The following ARHGAP28 variants were observed in gnomAD, a reference collection of about 807,000 sequenced individuals.
The protein encoded by ARHGAP28 is rho GTPase-activating protein 28.
ARHGAP28 carries 56 observed loss-of-function variants against 90.7 expected under a neutral mutation model. That is an observed-to-expected ratio of 0.62 (90% confidence interval 0.50 to 0.77). The LOEUF (loss-of-function observed/expected upper bound fraction) is 0.77. Among genes scored for constraint, ARHGAP28 ranks in the 30% least tolerant of loss-of-function variants. ARHGAP28 has a pLI of 0.00. For missense variants in ARHGAP28, 869 were observed against 900.9 expected, an observed-to-expected ratio of 0.96 and a Z score of 0.45; for synonymous variants, 308 against 323.3, an observed-to-expected ratio of 0.95 and a Z score of 0.51.
At chr18:6,786,116 C>T (rs1463314117) in intron 1 of ARHGAP28, among the ~76,000 whole-genome samples, 6 of 152,130 alleles carry the variant, frequency 3.9e-5, no homozygotes, top group African/African-American at 9.7e-5. Flanking sequence ...GGAGAAGAAA[C>T]GTCAGTTGAA....
chr18:6,855,971 G>A (rs1454611600), intron 4 of ARHGAP28, among the ~76,000 whole-genome samples: 1 of 152,362 alleles, frequency 6.6e-6, no homozygotes, highest in Middle Eastern at 3.4e-3. Flanking sequence ...CACCTAGCTT[G>A]CCCTTGGCAG....
chr18:6,848,968 G>A (rs758553109), intron 3 of ARHGAP28, among the ~76,000 whole-genome samples: 1 of 151,792 alleles, frequency 6.6e-6, no homozygotes, highest in African/African-American at 2.4e-5. Flanking sequence ...GGCTGATCAG[G>A]GCCAGGTGTG....
chr18:6,909,120 C>A (rs1403317844), intron 17 of ARHGAP28, 96 bp downstream of exon 17: 7 of 744,402 alleles, frequency 9.4e-6, no homozygotes, highest in South Asian at 1.9e-5. Context: ...ATGAATTTCT[C>A]AGATAAAAAC....
chr18:6,786,643 G>A (rs1002675514), intron 1 of ARHGAP28, among the ~76,000 whole-genome samples: 2 of 152,252 alleles, frequency 1.3e-5, no homozygotes, highest in African/African-American at 4.8e-5. Context: ...ATCCCTGAAA[G>A]AATGATATAA....
chr18:6,801,902 A>T (rs1046597934), intron 1 of ARHGAP28, among the ~76,000 whole-genome samples: 3 of 152,040 alleles, frequency 2.0e-5, no homozygotes, highest in Admixed American at 2.0e-4. Context: ...CCATTAATTA[A>T]CCTCTCTTCA....
intron 9 of ARHGAP28, chr18:6,874,538 T>G (rs1401299801): frequency 1.3e-5 from 2 of 152,218 alleles, no homozygotes; most frequent in Non-Finnish European, 1.5e-5. Flanking sequence ...AAATTCCTAG[T>G]CCTTAACACA....
At chr18:6,838,363 G>A (rs1052614845) in intron 3 of ARHGAP28, among the ~76,000 whole-genome samples, 8 of 152,172 alleles carry the variant, frequency 5.3e-5, no homozygotes, top group Admixed American at 2.6e-4. Flanking sequence ...TAGAAATCAT[G>A]GTTGAAGACA....
rs1021588399 is a variant in ARHGAP28, at chr18:6,782,481, G to A, written c.123-42281G>A. Among the ~76,000 whole-genome samples the A allele has an allele frequency of 4.5e-4, 68 of 151,202 alleles. 1 individual carries two copies. The highest frequency in any genetic ancestry group is 1.3e-3 in the African/African-American group (52 of 41,232). ...CACCCAGGCTGGAGTGCAGTGGCAC[G>A]ATCTCGGCTCACTGCAACCTCTGCC... On this transcript the variant is annotated intron_variant, in intron 1 of 17. Transcript: ENST00000383472.
At position 6,915,633 on chromosome 18, in the gene ARHGAP28, C is replaced by A. The variant is rs2057418535; in HGVS notation, c.*3479C>A. 6.6e-6 allele frequency: 1 copy of A among 152,126 alleles called. No homozygotes were observed. The allele number at this position is 152,126 out of a possible 1,614,324, so 9.4% of individuals were successfully genotyped here. On this transcript the variant is annotated 3_prime_UTR_variant, in exon 18 of 18. Transcript: ENST00000383472. Reference sequence around the variant, plus strand: ...CCCATCTCAAAAGCTAATATTGATTCTTCTGTTCCATCAGCTTTCATTGTT... The same window carrying A: ...CCCATCTCAAAAGCTAATATTGATTATTCTGTTCCATCAGCTTTCATTGTT...
intron 1 of ARHGAP28, among the ~76,000 whole-genome samples, chr18:6,750,989 T>C (rs1245457968): frequency 6.6e-6 from 1 of 152,036 alleles, no homozygotes; most frequent in Non-Finnish European, 1.5e-5. Flanking sequence ...TTTCCAAAGG[T>C]AATTATGATG....
Position 6,889,893 on chromosome 18 carries a change from C to T in ARHGAP28, c.1542C>T (p.Leu514=), listed in dbSNP as rs1357625583. Residue 514 remains leucine (L), a synonymous_variant, in exon 13 of 18, where the codon CTC becomes CTT. Transcript: ENST00000383472. ...PDANRDAAQA[L]MTFFNKVIAN... is the part of the protein sequence containing the mutation. ...ACAATGCTGTTTCTTCTTAGGCCCT[C>T]ATGACATTCTTCAATAAAGTGATTG... 2.5e-6 allele frequency: 4 copies of T among 1,613,900 alleles called. No homozygotes were observed. Among genetic ancestry groups the T allele is most frequent in the Non-Finnish European group, 3.4e-6 (4 of 1,179,968 alleles).
chr18:6,843,905 A>G (rs1222338524), intron 3 of ARHGAP28, among the ~76,000 whole-genome samples: 1 of 152,240 alleles, frequency 6.6e-6, no homozygotes, highest in African/African-American at 2.4e-5. Context: ...ATAGACATTT[A>G]ACCTTTGTTT....
At chr18:6,837,519 T>C in intron 3 of ARHGAP28, 105 bp downstream of exon 3, 1 of 854,490 alleles carries the variant, frequency 1.2e-6, no homozygotes, top group South Asian at 1.7e-5. Flanking sequence ...GCTTGGGTGG[T>C]TCCATTCTAA....
At chr18:6,842,979 A>T (rs186719494) in intron 3 of ARHGAP28, among the ~76,000 whole-genome samples, 463 of 152,276 alleles carry the variant, frequency 3.0e-3, no homozygotes, top group Middle Eastern at 6.8e-3. Flanking sequence ...TATAAAAATT[A>T]AAAAAATGTA....
intron 2 of ARHGAP28, among the ~76,000 whole-genome samples, chr18:6,826,922 A>T (rs1370172217): frequency 1.3e-5 from 2 of 152,066 alleles, no homozygotes; most frequent in Admixed American, 1.3e-4. Context: ...GCATCTGTTT[A>T]ACAAAGCACA....
At position 6,755,757 on chromosome 18, in the gene ARHGAP28, C is replaced by A. The variant is rs187167069; in HGVS notation, c.122+25814C>A. On this transcript the variant is annotated intron_variant, in intron 1 of 17. Coordinates refer to ENST00000383472, the MANE Select transcript of ARHGAP28 (RefSeq NM_001366230.1). Reference sequence around the variant, plus strand: ...TCATCTTATGCCTGAGTCCAAATACCATAAAATGTAGTATTCTATGTTTTC... The same window carrying A: ...TCATCTTATGCCTGAGTCCAAATACAATAAAATGTAGTATTCTATGTTTTC... 3.9e-5 allele frequency among the ~76,000 whole-genome samples: 6 copies of A among 152,208 alleles called. No individual in the cohort carries two copies. In the East Asian group the frequency reaches 1.2e-3, roughly 29 times the overall value.
At chr18:6,831,748 G>A (rs2056718531) in intron 2 of ARHGAP28, among the ~76,000 whole-genome samples, 1 of 151,732 alleles carries the variant, frequency 6.6e-6, no homozygotes, top group African/African-American at 2.4e-5. Context: ...TACTGGCTAG[G>A]GCCTCTAGTA....
intron 1 of ARHGAP28, among the ~76,000 whole-genome samples, chr18:6,774,760 G>C (rs2056270377): frequency 6.6e-6 from 1 of 152,296 alleles, no homozygotes; most frequent in Admixed American, 6.5e-5. Flanking sequence ...GTCAGCGCTG[G>C]GACAGAGGGC....
chr18:6,897,819 T>C (rs1249031244), intron 16 of ARHGAP28: 1 of 152,210 alleles, frequency 6.6e-6, no homozygotes, highest in African/African-American at 2.4e-5. Context: ...ACCCTTATGG[T>C]GTTGGAACTT....
Sources: gnomAD v4.1 joint callset for allele counts (sites outside exome capture counted in the v4.1 genomes callset) on GRCh38, gnomAD v4.1.1 for gene constraint, MANE v1.5 for transcripts, NCBI Gene and HGNC (gene_info 2026-07-23, HGNC 2026-07-21) for gene names.